The following ELL variants were observed in gnomAD, a reference collection of about 807,000 sequenced individuals.
The protein encoded by ELL is RNA polymerase II elongation factor ELL.
Under a neutral mutation model 64.0 loss-of-function variants are expected in ELL, and 18 were observed. That is an observed-to-expected ratio of 0.28 (90% CI 0.19 to 0.42). The LOEUF (loss-of-function observed/expected upper bound fraction) is 0.42. ELL is among the 10% of genes least tolerant of loss of function. The pLI is 1.00. For missense variants in ELL, 797 were observed against 870.4 expected (o/e 0.92, Z 1.06); for synonymous variants, 399 against 376.2 (o/e 1.06, Z -0.70).
intron 1 of ELL, among the ~76,000 whole-genome samples, chr19:18,488,199 T>C (rs911690567): frequency 2.0e-5 from 3 of 152,154 alleles, no homozygotes; most frequent in African/African-American, 7.2e-5. Flanking sequence ...GCCCTGTTAT[T>C]GGGTTAGGTC....
intron 2 of ELL, among the ~76,000 whole-genome samples, chr19:18,469,490 T>A (rs1975016782): frequency 6.6e-6 from 1 of 152,104 alleles, no homozygotes; most frequent in African/African-American, 2.4e-5. Flanking sequence ...CTGAATGGGG[T>A]CTTGGTTGCT....
chr19:18,520,424 G>A (rs987992271), intron 1 of ELL, among the ~76,000 whole-genome samples: 2 of 152,170 alleles, frequency 1.3e-5, no homozygotes, highest in South Asian at 2.1e-4. Flanking sequence ...CTCACCTGCA[G>A]GGGCGCCTTA....
At chr19:18,506,544 C>T (rs1469051026) in intron 1 of ELL, among the ~76,000 whole-genome samples, 1 of 152,328 alleles carries the variant, frequency 6.6e-6, no homozygotes, top group East Asian at 1.9e-4. Context: ...CTGAGCAACA[C>T]AGGGAGACTC....
At chr19:18,469,928 G>A (rs142654346) in intron 2 of ELL, among the ~76,000 whole-genome samples, 6 of 152,370 alleles carry the variant, frequency 3.9e-5, no homozygotes, top group East Asian at 1.9e-4. Flanking sequence ...CCATCCAGGG[G>A]GCGTTCCGAC....
chr19:18,503,361 G>T (rs1031107507), intron 1 of ELL, among the ~76,000 whole-genome samples: 35 of 152,368 alleles, frequency 2.3e-4, no homozygotes, highest in African/African-American at 7.0e-4. Flanking sequence ...AACAGCAAGG[G>T]AGTGAAGCAG....
rs1209955571 is a variant in ELL at position 18,446,787 on chromosome 19, C to A, written c.1493G>T (p.Ser498Ile). The change falls in exon 9 of 12, where the codon AGT (serine) becomes ATT (isoleucine). Residue 498 changes from serine (S) to isoleucine (I), a missense_variant. Physicochemically the swap from Ser to Ile is moderately radical, Grantham distance 142. Coordinates refer to ENST00000262809, the MANE Select transcript of ELL (RefSeq NM_006532.4). ...PGLNGTCSVS[S>I]VPTSTSETPD... ...CGTCTCCGACGTGGACGTGGGAACA[C>A]TGGAAACGCTGCAGGTTCCGTTTAA... 1.9e-6 allele frequency: 3 copies of A among 1,613,986 alleles called. No homozygotes were observed. Among genetic ancestry groups the A allele is most frequent in the Admixed American group, 1.7e-5 (1 of 59,998 alleles).
intron 1 of ELL, among the ~76,000 whole-genome samples, chr19:18,474,765 C>CAG (rs74279155): frequency 0.018 from 2,706 of 152,356 alleles, 44 homozygotes; most frequent in Middle Eastern, 0.051. Flanking sequence ...GCTGCTACTG[C>CAG]AGAGAACAGG....
At chr19:18,520,819 A>G (rs1976251911) in intron 1 of ELL, among the ~76,000 whole-genome samples, 1 of 150,866 alleles carries the variant, frequency 6.6e-6, no homozygotes, top group South Asian at 2.1e-4. Context: ...TAGGGCAATG[A>G]AGCCCCCAAT....
At chr19:18,446,057 G>A (rs1169727492) in intron 10 of ELL, 6 of 517,294 alleles carry the variant, frequency 1.2e-5, no homozygotes. Context: ...CCCATCCAAG[G>A]AGGTGGGTCA....
At chr19:18,497,790 T>C (rs1359455374) in intron 1 of ELL, among the ~76,000 whole-genome samples, 1 of 118,496 alleles carries the variant, frequency 8.4e-6, no homozygotes, top group Non-Finnish European at 1.6e-5. Context: ...GACTCCAGCC[T>C]AGGCAAAAGA....
At chr19:18,489,408 T>C (rs1294129619) in intron 1 of ELL, among the ~76,000 whole-genome samples, 1 of 152,034 alleles carries the variant, frequency 6.6e-6, no homozygotes, top group Non-Finnish European at 1.5e-5. Context: ...GGTGCTCCCA[T>C]CCCCCTCATG....
chr19:18,482,539 T>C (rs1368369997), intron 1 of ELL, among the ~76,000 whole-genome samples: 1 of 151,988 alleles, frequency 6.6e-6, no homozygotes, highest in Non-Finnish European at 1.5e-5. Context: ...GTTTTCACCA[T>C]GTTGGCCAGG....
chr19:18,445,209 A>G lies in ELL; in HGVS notation c.1749+15T>C, dbSNP rs1974387165. ...TGGCTCACTTGGAGCCCACCCCAACACAAGAGACACTCACCTTTTTGATTT... is the reference window on the plus strand; with the variant it reads ...TGGCTCACTTGGAGCCCACCCCAACGCAAGAGACACTCACCTTTTTGATTT... On this transcript the variant is annotated intron_variant, in intron 11 of 11. Coordinates refer to ENST00000262809, the MANE Select transcript of ELL (RefSeq NM_006532.4). 2 of 1,613,956 alleles carry G rather than the reference A, an allele frequency of 1.2e-6. No individual in the cohort carries two copies. The highest frequency in any genetic ancestry group is 1.3e-5 in the African/African-American group (1 of 74,928).
chr19:18,446,878 C>T, intron 8 of ELL, 64 bp from the exon 9 acceptor site: 2 of 1,546,370 alleles, frequency 1.3e-6, no homozygotes, highest in Non-Finnish European at 1.8e-6. Flanking sequence ...GGAAGCACGC[C>T]AGGATGGGGA....
At chr19:18,497,815 C>CAAA (rs58521941) in intron 1 of ELL, among the ~76,000 whole-genome samples, 86 of 54,108 alleles carry the variant, frequency 1.6e-3, no homozygotes, top group African/African-American at 1.8e-3. Context: ...GATCTCATCT[C>CAAA]AAAAAAAAAA....
intron 2 of ELL, chr19:18,471,242 G>A: frequency 2.8e-6 from 1 of 360,792 alleles, no homozygotes; most frequent in Non-Finnish European, 5.4e-6. Flanking sequence ...TAGCATGGTA[G>A]TGTACACCAG....
chr19:18,513,129 C>T (rs1260480311), intron 1 of ELL, among the ~76,000 whole-genome samples: 2 of 152,146 alleles, frequency 1.3e-5, no homozygotes, highest in Non-Finnish European at 2.9e-5. Flanking sequence ...GCAAGCCAAG[C>T]GGGGCTGAGC....
intron 1 of ELL, among the ~76,000 whole-genome samples, chr19:18,474,021 C>T (rs1015320303): frequency 2.0e-5 from 3 of 152,360 alleles, no homozygotes; most frequent in African/African-American, 4.8e-5. Context: ...CCGGGGTAAG[C>T]GGAGCAGCTC....
chr19:18,520,468 G>A (rs1313365101), intron 1 of ELL, among the ~76,000 whole-genome samples: 2 of 152,024 alleles, frequency 1.3e-5, no homozygotes, highest in East Asian at 3.9e-4. Context: ...GACAAGGTGC[G>A]AACTTGCTCT....
Sources: gnomAD v4.1 joint callset for allele counts (sites outside exome capture counted in the v4.1 genomes callset) on GRCh38, gnomAD v4.1.1 for gene constraint, MANE v1.5 for transcripts, NCBI Gene and HGNC (gene_info 2026-07-23, HGNC 2026-07-21) for gene names.